Variants in OR7C1 observed in about 807,000 individuals in gnomAD.
The protein encoded by OR7C1 is olfactory receptor 7C1.
For missense variants in OR7C1, 324 were observed against 383.3 expected (o/e 0.85, Z 1.29); for synonymous variants, 152 against 160.7 (o/e 0.95, Z 0.41).
At chr19:14,825,757 T>C (rs1319043696) in intron 1 of OR7C1, 1 of 152,472 alleles carries the variant, frequency 6.6e-6, no homozygotes, top group Non-Finnish European at 1.5e-5. Context: ...TACTGTTGAC[T>C]CACAGCTGAC....
intron 1 of OR7C1, among the ~76,000 whole-genome samples, chr19:14,819,838 G>A (rs767314506): frequency 5.9e-5 from 9 of 151,974 alleles, no homozygotes; most frequent in African/African-American, 1.9e-4. Context: ...TCTCAAATTC[G>A]AAACCCATGT....
intron 1 of OR7C1, among the ~76,000 whole-genome samples, chr19:14,823,083 A>G (rs981449919): frequency 1.7e-4 from 26 of 152,302 alleles, no homozygotes; most frequent in Middle Eastern, 3.4e-3. Flanking sequence ...ACCATTGCCC[A>G]GACTACTGCT....
intron 1 of OR7C1, among the ~76,000 whole-genome samples, chr19:14,830,015 G>A (rs10403992): frequency 0.48 from 73,326 of 151,918 alleles, 18,610 homozygotes; most frequent in East Asian, 0.7. Context: ...GCCATGTGCC[G>A]CCACCCTTGG....
chr19:14,823,441 G>A (rs2044750566), intron 1 of OR7C1, among the ~76,000 whole-genome samples: 1 of 152,170 alleles, frequency 6.6e-6, no homozygotes, highest in African/African-American at 2.4e-5. Flanking sequence ...GACAGAGCAA[G>A]ACTCCGTCTA....
intron 2 of OR7C1, among the ~76,000 whole-genome samples, chr19:14,801,498 G>T (rs2044641633): frequency 6.6e-6 from 1 of 152,092 alleles, no homozygotes; most frequent in Non-Finnish European, 1.5e-5. Context: ...AATTTTATAG[G>T]TACTGCGTAT....
chr19:14,809,368 G>A (rs1019261448), intron 2 of OR7C1, among the ~76,000 whole-genome samples: 2 of 151,920 alleles, frequency 1.3e-5, no homozygotes, highest in Middle Eastern at 3.2e-3. Flanking sequence ...GGTCAGATCC[G>A]GCTGCAGGAA....
chr19:14,806,614 T>G (rs1364299581), intron 2 of OR7C1, among the ~76,000 whole-genome samples: 2 of 151,972 alleles, frequency 1.3e-5, no homozygotes, highest in Admixed American at 1.3e-4. Flanking sequence ...AGATCCCACT[T>G]ATGAGTGAGA....
At position 14,799,209 on chromosome 19, in the gene OR7C1, A is replaced by AT; in HGVS notation, c.927dup (p.Phe310IlefsTer3). 4 of 1,612,736 alleles carry AT rather than the reference A, an allele frequency of 2.5e-6. No individual in the cohort carries two copies. The highest frequency in any genetic ancestry group is 3.4e-6 in the Non-Finnish European group (4 of 1,179,508). On this transcript the variant is annotated frameshift_variant, in exon 5 of 5. Coordinates refer to ENST00000641666, the Ensembl canonical transcript of OR7C1. LOFTEE classifies it low-confidence loss of function (END_TRUNC). ...CCTGCAGTGATGTCACCATTAAAAAATGTTGCCCTACTGAGGAGTCTCCCC... is the reference window on the plus strand; with the variant it reads ...CCTGCAGTGATGTCACCATTAAAAAATTGTTGCCCTACTGAGGAGTCTCCCC...
chr19:14,831,479 C>G (rs1424796624), intron 1 of OR7C1, among the ~76,000 whole-genome samples: 2 of 152,010 alleles, frequency 1.3e-5, no homozygotes, highest in African/African-American at 4.8e-5. Flanking sequence ...GAGTCTCGCT[C>G]TGTCGCCCAG....
chr19:14,827,455 C>A, intron 1 of OR7C1: 1 of 1,613,864 alleles, frequency 6.2e-7, no homozygotes, highest in East Asian at 2.2e-5. Flanking sequence ...CGGGTGGCAG[C>A]AGAACTAAGG....
At chr19:14,807,211 G>T (rs577370003) in intron 2 of OR7C1, among the ~76,000 whole-genome samples, 1 of 151,944 alleles carries the variant, frequency 6.6e-6, no homozygotes, top group East Asian at 1.9e-4. Flanking sequence ...ATGTAGGGAT[G>T]GCCATGCTTC....
At chr19:14,813,492 T>G (rs368871416) in intron 1 of OR7C1, among the ~76,000 whole-genome samples, 51 of 152,068 alleles carry the variant, frequency 3.4e-4, no homozygotes, top group Admixed American at 2.8e-3. Flanking sequence ...GAGGTGGAGC[T>G]TGCAGTGAGC....
At chr19:14,833,269 G>A (rs1265159434) in intron 1 of OR7C1, among the ~76,000 whole-genome samples, 4 of 152,284 alleles carry the variant, frequency 2.6e-5, no homozygotes, top group South Asian at 4.1e-4. Flanking sequence ...ACTTGAGGTC[G>A]GGAGTTCAAG....
intron 1 of OR7C1, chr19:14,827,902 G>A: frequency 6.2e-7 from 1 of 1,614,202 alleles, no homozygotes; most frequent in South Asian, 1.1e-5. Flanking sequence ...ACGGACAGGA[G>A]GAAGTTTTCA....
At chr19:14,821,043 G>A (rs990119160) in intron 1 of OR7C1, among the ~76,000 whole-genome samples, 1 of 152,070 alleles carries the variant, frequency 6.6e-6, no homozygotes, top group Non-Finnish European at 1.5e-5. Flanking sequence ...CACGAGACCT[G>A]CCTGGCCAAC....
Position 14,808,194 on chromosome 19 carries a change from T to C in OR7C1, c.-435+1612A>G, listed in dbSNP as rs542319091. Among the ~76,000 whole-genome samples, 18 of 151,900 alleles carry C rather than the reference T, an allele frequency of 1.2e-4. No individual in the cohort carries two copies. In the South Asian group the frequency reaches 3.7e-3, roughly 32 times the overall value. On this transcript the variant is annotated intron_variant, in intron 2 of 4. Transcript: ENST00000641666. ...TGGGAACGCAAATTAATTCAGTCTC[T>C]ATGGAAAACAGTATGGAGATTTCCC... is the stretch of plus-strand genomic sequence containing the variant.
chr19:14,812,636 C>T (rs558047939), intron 1 of OR7C1, among the ~76,000 whole-genome samples: 1 of 151,264 alleles, frequency 6.6e-6, no homozygotes, highest in South Asian at 2.1e-4. Flanking sequence ...GCTAGCCTGC[C>T]GATGCTCCCA....
chr19:14,831,816 T>C (rs1240167311), intron 1 of OR7C1, among the ~76,000 whole-genome samples: 1 of 152,198 alleles, frequency 6.6e-6, no homozygotes, highest in Non-Finnish European at 1.5e-5. Context: ...TGAGCTTGTT[T>C]CTGGTCTTTG....
chr19:14,819,197 AG>A (rs1234872898), intron 1 of OR7C1, among the ~76,000 whole-genome samples: 7 of 151,906 alleles, frequency 4.6e-5, no homozygotes, highest in African/African-American at 1.7e-4. Context: ...GTACATGTGC[AG>A]GATATGCAGG....
Sources: allele counts gnomAD v4.1 joint callset (sites outside exome capture counted in the v4.1 genomes callset), GRCh38; gene constraint gnomAD v4.1.1; transcripts MANE v1.5; gene names NCBI Gene and HGNC (gene_info 2026-07-23, HGNC 2026-07-21).